Variants in SLC41A2 observed in about 807,000 individuals in gnomAD.
SLC41A2 encodes the protein solute carrier family 41 member 2.
In SLC41A2, 32 loss-of-function variants were observed where a neutral mutation model predicts 58.3. The ratio of observed to expected loss-of-function variants is 0.55; its 90% CI spans 0.41 to 0.74. The LOEUF (loss-of-function observed/expected upper bound fraction) is 0.74, where lower values mean the gene tolerates loss of function less well. Among genes scored for constraint, SLC41A2 ranks in the 30% least tolerant of loss-of-function variants. The pLI is 0.00. For missense variants in SLC41A2, 514 were observed against 680.6 expected (o/e 0.76, Z 2.72); for synonymous variants, 190 against 235.0 (o/e 0.81, Z 1.75).
chr12:104,897,026 T>C (rs2045319579), intron 3 of SLC41A2, among the ~76,000 whole-genome samples: 1 of 152,088 alleles, frequency 6.6e-6, no homozygotes. Flanking sequence ...GATCGTCATT[T>C]CTCCAACTTC....
intron 2 of SLC41A2, among the ~76,000 whole-genome samples, chr12:104,923,023 A>G (rs1203436500): frequency 6.6e-6 from 1 of 151,982 alleles, no homozygotes; most frequent in Non-Finnish European, 1.5e-5. Flanking sequence ...TATGGAATAC[A>G]GCAATAGCAG....
chr12:104,911,415 C>T (rs1434299144), intron 2 of SLC41A2, among the ~76,000 whole-genome samples: 2 of 151,170 alleles, frequency 1.3e-5, no homozygotes, highest in Non-Finnish European at 3.0e-5. Flanking sequence ...ATTAAAATAA[C>T]AGATATTAAA....
At chr12:104,910,339 A>G (rs950242404) in intron 2 of SLC41A2, among the ~76,000 whole-genome samples, 10 of 152,136 alleles carry the variant, frequency 6.6e-5, no homozygotes, top group African/African-American at 2.4e-4. Flanking sequence ...TAAAAACAGC[A>G]CTAAACTGGA....
At chr12:104,829,265 A>G (rs949226080) in intron 10 of SLC41A2, among the ~76,000 whole-genome samples, 4 of 152,234 alleles carry the variant, frequency 2.6e-5, no homozygotes, top group Non-Finnish European at 5.9e-5. Flanking sequence ...TCACAGGTGA[A>G]TGGATAAACC....
intron 10 of SLC41A2, among the ~76,000 whole-genome samples, chr12:104,807,380 A>G (rs1488448422): frequency 6.6e-6 from 1 of 152,126 alleles, no homozygotes; most frequent in Admixed American, 6.5e-5. Flanking sequence ...AGTTGTAGAT[A>G]TGTGGCATTA....
chr12:104,809,273 C>A (rs187654473), intron 10 of SLC41A2, among the ~76,000 whole-genome samples: 1 of 152,252 alleles, frequency 6.6e-6, no homozygotes, highest in Non-Finnish European at 1.5e-5. Context: ...CCCAGGTCCA[C>A]GGTCTAGGCC....
intron 10 of SLC41A2, among the ~76,000 whole-genome samples, chr12:104,807,584 T>C (rs1442930244): frequency 6.6e-6 from 1 of 152,216 alleles, no homozygotes; most frequent in Non-Finnish European, 1.5e-5. Flanking sequence ...TAAAGTAGTT[T>C]TTTCCAATTC....
chr12:104,827,032 G>A (rs1362294890), intron 10 of SLC41A2, among the ~76,000 whole-genome samples: 1 of 152,160 alleles, frequency 6.6e-6, no homozygotes. Flanking sequence ...GCATAATAGA[G>A]GGCATATGTA....
intron 1 of SLC41A2, among the ~76,000 whole-genome samples, chr12:104,942,476 CA>C (rs34008453): frequency 1.4e-3 from 178 of 131,460 alleles, no homozygotes; most frequent in Middle Eastern, 8.1e-3. Flanking sequence ...AGATCTTGTC[CA>C]AAAAAAAAAA....
At chr12:104,946,608 A>T (rs888401117) in intron 1 of SLC41A2, among the ~76,000 whole-genome samples, 1 of 152,182 alleles carries the variant, frequency 6.6e-6, no homozygotes. Flanking sequence ...CTAACTGCTT[A>T]TTTAAAGTTG....
chr12:104,895,217 GATTACAGTCAAA>G (rs1442691691), intron 4 of SLC41A2, 45 bp downstream of exon 4: 1 of 1,257,286 alleles, frequency 8.0e-7, no homozygotes, highest in African/African-American at 1.5e-5. Flanking sequence ...CAATCTTATA[GATTACAGTCAAA>G]ATTTGTACAC....
intron 10 of SLC41A2, among the ~76,000 whole-genome samples, chr12:104,840,443 C>T (rs1028401875): frequency 1.8e-4 from 27 of 152,224 alleles, no homozygotes; most frequent in African/African-American, 5.8e-4. Context: ...CTGGTAGTCT[C>T]ATAAATGCTG....
At position 104,803,808 on chromosome 12, in the gene SLC41A2, G is replaced by A. The variant is rs895297202; in HGVS notation, c.*1344C>T. 2 of 152,104 alleles carry A rather than the reference G, an allele frequency of 1.3e-5. No individual in the cohort carries two copies. The highest frequency in any genetic ancestry group is 2.4e-5 in the African/African-American group (1 of 41,452). The allele number at this position is 152,104 out of a possible 1,614,324, so 9.4% of individuals were successfully genotyped here. A position where few individuals can be genotyped will look rare whatever the true frequency, so the allele number is the denominator to read the frequency against. On this transcript the variant is annotated 3_prime_UTR_variant, in exon 11 of 11. Coordinates refer to ENST00000258538, the MANE Select transcript of SLC41A2 (RefSeq NM_001352171.3). ...GAAATAAGCCTGTACAAATGGATAT[G>A]TTTAAGCATGAACAATAATTGAGGT...
At chr12:104,900,389 C>G (rs2045500598) in intron 3 of SLC41A2, among the ~76,000 whole-genome samples, 1 of 152,120 alleles carries the variant, frequency 6.6e-6, no homozygotes, top group Non-Finnish European at 1.5e-5. Flanking sequence ...AAAACACACA[C>G]ACAAATAGCT....
At chr12:104,890,580 G>C (rs1479554931) in intron 4 of SLC41A2, among the ~76,000 whole-genome samples, 1 of 152,126 alleles carries the variant, frequency 6.6e-6, no homozygotes, top group Non-Finnish European at 1.5e-5. Flanking sequence ...GCTGAGATGA[G>C]GAAGTCCTAT....
At chr12:104,945,924 T>C (rs1412757196) in intron 1 of SLC41A2, among the ~76,000 whole-genome samples, 2 of 152,188 alleles carry the variant, frequency 1.3e-5, no homozygotes, top group Non-Finnish European at 2.9e-5. Flanking sequence ...ACCAAGTCCA[T>C]GGTGTATCTC....
At chr12:104,815,020 C>T (rs1393758655) in intron 10 of SLC41A2, among the ~76,000 whole-genome samples, 1 of 152,226 alleles carries the variant, frequency 6.6e-6, no homozygotes, top group Non-Finnish European at 1.5e-5. Flanking sequence ...TTTGCACATT[C>T]TCATTCCATT....
At chr12:104,810,510 A>G (rs1027057008) in intron 10 of SLC41A2, among the ~76,000 whole-genome samples, 1 of 152,184 alleles carries the variant, frequency 6.6e-6, no homozygotes, top group African/African-American at 2.4e-5. Context: ...AATTTATTGT[A>G]TAATATTTGC....
chr12:104,888,922 T>C (rs1221530123), intron 5 of SLC41A2, 111 bp downstream of exon 5: 6 of 1,113,034 alleles, frequency 5.4e-6, no homozygotes, highest in Non-Finnish European at 7.3e-6. Context: ...TGTAGATATG[T>C]TTTTTCTGTT....
Sources: allele counts gnomAD v4.1 joint callset (sites outside exome capture counted in the v4.1 genomes callset), GRCh38; gene constraint gnomAD v4.1.1; transcripts MANE v1.5; gene names NCBI Gene and HGNC (gene_info 2026-07-23, HGNC 2026-07-21).